SMARCC1: variants seen among roughly 807,000 people sequenced by gnomAD.
SMARCC1 encodes SWI/SNF complex subunit SMARCC1.
SMARCC1 carries 43 observed loss-of-function variants against 147.4 expected under a neutral mutation model. The ratio of observed to expected loss-of-function variants is 0.29; its 90% confidence interval spans 0.23 to 0.38. The LOEUF (loss-of-function observed/expected upper bound fraction) is 0.38, where lower values mean the gene tolerates loss of function less well. SMARCC1 is among the 10% of genes least tolerant of loss of function. The pLI, the probability that SMARCC1 is intolerant of heterozygous loss-of-function variation, is 1.00. For missense variants in SMARCC1, 1,119 were observed against 1,381.1 expected (o/e 0.81, Z 3.01); for synonymous variants, 495 against 484.4 (o/e 1.02, Z -0.29).
intron 11 of SMARCC1, among the ~76,000 whole-genome samples, chr3:47,698,110 T>TAA (rs886312466): frequency 7.4e-6 from 1 of 135,022 alleles, no homozygotes; most frequent in South Asian, 2.4e-4. Context: ...GCCAACACAT[T>TAA]AAAAAAAAAA....
At chr3:47,625,797 CA>C in intron 24 of SMARCC1, among the ~76,000 whole-genome samples, 1 of 152,032 alleles carries the variant, frequency 6.6e-6, no homozygotes, top group East Asian at 1.9e-4. Context: ...GTAAAAAGCA[CA>C]AATGATAAAA....
At chr3:47,757,865 A>C (rs1227808819) in intron 2 of SMARCC1, among the ~76,000 whole-genome samples, 1 of 152,040 alleles carries the variant, frequency 6.6e-6, no homozygotes, top group Non-Finnish European at 1.5e-5. Flanking sequence ...AATTGGTAGA[A>C]CTGCTGTGGA....
At chr3:47,733,851 G>A (rs564195210) in intron 5 of SMARCC1, among the ~76,000 whole-genome samples, 47 of 123,558 alleles carry the variant, frequency 3.8e-4, no homozygotes, top group African/African-American at 1.3e-3. Flanking sequence ...GCGACACAGC[G>A]AGACTCTGTC....
At chr3:47,690,653 G>C (rs1011610718) in intron 12 of SMARCC1, among the ~76,000 whole-genome samples, 1 of 152,122 alleles carries the variant, frequency 6.6e-6, no homozygotes, top group Non-Finnish European at 1.5e-5. Context: ...TTTGGAAAGA[G>C]GTTACTGAAC....
At position 47,778,190 on chromosome 3, in the gene SMARCC1, CAAAA is replaced by C. The variant is rs762774696; in HGVS notation, c.195+3409_195+3412del. On this transcript the variant is annotated intron_variant, in intron 1 of 27. Transcript: ENST00000254480. ...TGGGCAGAAGAGCGAGACTCCATCT[CAAAA>C]AAAAAAAACAAAAAACAAAAAACAA... is the stretch of plus-strand genomic sequence containing the variant. Among the ~76,000 whole-genome samples, 18 of 53,156 alleles carry C rather than the reference CAAAA, an allele frequency of 3.4e-4. 1 individual carries two copies. The East Asian group carries it at 0.01, about 31-fold the overall frequency. The allele number at this position is 53,156 out of a possible 152,430, so 34.9% of individuals were successfully genotyped here. A position where few individuals can be genotyped will look rare whatever the true frequency, so the allele number is the denominator to read the frequency against.
intron 14 of SMARCC1, 34 bp downstream of exon 14, chr3:47,686,015 G>GT (rs767777548): frequency 1.4e-4 from 226 of 1,605,382 alleles, no homozygotes; most frequent in Non-Finnish European, 1.6e-4. Flanking sequence ...GTACTGCTCA[G>GT]TACCATGCTC....
At chr3:47,755,989 TAAAAAAAAAAAAAAAAA>T (rs34001771) in intron 2 of SMARCC1, among the ~76,000 whole-genome samples, 9 of 22,910 alleles carry the variant, frequency 3.9e-4, no homozygotes, top group East Asian at 1.9e-3. Flanking sequence ...GGCTTCATCT[TAAAAAAAAAAAAAAAAA>T]AAAAAAAAAA....
At chr3:47,622,747 C>T (rs1289357109) in intron 24 of SMARCC1, among the ~76,000 whole-genome samples, 1 of 152,180 alleles carries the variant, frequency 6.6e-6, no homozygotes, top group Non-Finnish European at 1.5e-5. Context: ...GAGGACAGCA[C>T]CTGACACTCT....
rs549073717 is a variant in SMARCC1 at position 47,721,934 on chromosome 3, C to A, written c.647-1199G>T. On this transcript the variant is annotated intron_variant, in intron 6 of 27. Coordinates refer to ENST00000254480, the MANE Select transcript of SMARCC1 (RefSeq NM_003074.4). ...ACTCAGGAGGCTAGGGCAGGAAGAT[C>A]ACGAGCATTATAGTTTGAGGCTGCA... 2.1e-4 allele frequency among the ~76,000 whole-genome samples: 32 copies of A among 152,252 alleles called. 1 individual carries two copies. In the South Asian group the frequency reaches 6.2e-3, roughly 30 times the overall value.
intron 3 of SMARCC1, among the ~76,000 whole-genome samples, chr3:47,739,626 G>A (rs1415546784): frequency 2.0e-5 from 3 of 152,066 alleles, no homozygotes; most frequent in African/African-American, 7.2e-5. Flanking sequence ...GAGCCAACAC[G>A]CCTGGCCCAG....
chr3:47,676,509 G>A, intron 17 of SMARCC1, 120 bp downstream of exon 17: 1 of 724,856 alleles, frequency 1.4e-6, no homozygotes, highest in South Asian at 2.0e-5. Flanking sequence ...CACAAGCAAG[G>A]ATCAAAGAAA....
At chr3:47,694,174 A>C (rs1218093353) in intron 11 of SMARCC1, among the ~76,000 whole-genome samples, 1 of 152,198 alleles carries the variant, frequency 6.6e-6, no homozygotes, top group Non-Finnish European at 1.5e-5. Flanking sequence ...ACTGATGGAA[A>C]CCATGTTTAT....
At chr3:47,713,177 C>T (rs1252125570) in intron 8 of SMARCC1, among the ~76,000 whole-genome samples, 2 of 151,874 alleles carry the variant, frequency 1.3e-5, no homozygotes, top group East Asian at 3.9e-4. Context: ...AAAAATTAGC[C>T]GGGCTTGGTG....
At chr3:47,748,093 G>A (rs1272391726) in intron 2 of SMARCC1, among the ~76,000 whole-genome samples, 1 of 152,080 alleles carries the variant, frequency 6.6e-6, no homozygotes, top group Non-Finnish European at 1.5e-5. Context: ...AGGGGCAGAG[G>A]TTGCCAAGAT....
chr3:47,624,064 C>G (rs2032773559), intron 24 of SMARCC1, among the ~76,000 whole-genome samples: 1 of 151,898 alleles, frequency 6.6e-6, no homozygotes, highest in Admixed American at 6.6e-5. Context: ...CCTAGGTGGG[C>G]AGATCACATG....
In SMARCC1 at chr3:47,589,426, C is replaced by T. The variant is rs140797167; in HGVS notation, c.3221-1120G>A. ...GGTAAATTGGTAAAGACCAGTGATA[C>T]TACCTCTGCAATAGGGATGGAAAAC... On this transcript the variant is annotated intron_variant, in intron 27 of 27. Coordinates refer to ENST00000254480, the MANE Select transcript of SMARCC1 (RefSeq NM_003074.4). 1.4e-4 allele frequency among the ~76,000 whole-genome samples: 21 copies of T among 152,262 alleles called. No homozygotes were observed. In the East Asian group the frequency reaches 3.7e-3, roughly 27 times the overall value.
At position 47,621,312 on chromosome 3, in the gene SMARCC1, A is replaced by G. The variant is rs1287063855; in HGVS notation, c.2781+895T>C. Among the ~76,000 whole-genome samples the G allele has an allele frequency of 6.6e-5, 10 of 152,058 alleles. No homozygotes were observed. In the East Asian group the frequency reaches 1.9e-3, roughly 29 times the overall value. On this transcript the variant is annotated intron_variant, in intron 25 of 27. Coordinates refer to ENST00000254480, the MANE Select transcript of SMARCC1 (RefSeq NM_003074.4). ...AGACTCCGTCTCAAAAAAAAAAAAA[A>G]AAAAAAGAAAAGAAATCGTTCTACC...
intron 2 of SMARCC1, among the ~76,000 whole-genome samples, chr3:47,750,772 C>T (rs962804992): frequency 7.9e-5 from 12 of 152,068 alleles, no homozygotes; most frequent in African/African-American, 2.9e-4. Context: ...TAGAGATCCA[C>T]GCTACTCAGA....
At chr3:47,766,462 G>A (rs951567063) in intron 2 of SMARCC1, among the ~76,000 whole-genome samples, 3 of 152,042 alleles carry the variant, frequency 2.0e-5, no homozygotes, top group African/African-American at 7.2e-5. Flanking sequence ...AACTACTCAG[G>A]AGGGTGAGGT....
Sources: gnomAD v4.1 joint callset for allele counts (sites outside exome capture counted in the v4.1 genomes callset) on GRCh38, gnomAD v4.1.1 for gene constraint, MANE v1.5 for transcripts, NCBI Gene and HGNC (gene_info 2026-07-23, HGNC 2026-07-21) for gene names.